CAPZA2: variants seen among roughly 807,000 people sequenced by gnomAD.
The protein encoded by CAPZA2 is capping actin protein of muscle Z-line subunit alpha 2.
Under a neutral mutation model 44.0 loss-of-function variants are expected in CAPZA2, and 13 were observed. That is an observed-to-expected ratio of 0.30 (90% CI 0.19 to 0.47). The LOEUF (loss-of-function observed/expected upper bound fraction) is 0.47, where lower values mean the gene tolerates loss of function less well. Ranked by LOEUF, CAPZA2 falls within the 20% of genes least tolerant of loss-of-function variation. The pLI, the probability that CAPZA2 is intolerant of heterozygous loss-of-function variation, is 1.00. For synonymous variants in CAPZA2, 94 were observed against 108.2 expected (o/e 0.87, Z 0.81); for missense variants, 244 against 338.6 (o/e 0.72, Z 2.19).
chr7:116,902,495 T>C (rs13228088), intron 4 of CAPZA2, among the ~76,000 whole-genome samples: 3,157 of 152,230 alleles, frequency 0.021, 46 homozygotes, highest in Non-Finnish European at 0.035. Flanking sequence ...TAAAATGATA[T>C]ATTTTCTACC....
chr7:116,889,132 C>T (rs764040333), intron 2 of CAPZA2, among the ~76,000 whole-genome samples: 12 of 152,184 alleles, frequency 7.9e-5, no homozygotes, highest in Non-Finnish European at 1.5e-5. Context: ...TGTAAAGTCT[C>T]CTGGTTACTA....
At chr7:116,878,391 C>T (rs1796647765) in intron 1 of CAPZA2, among the ~76,000 whole-genome samples, 1 of 152,140 alleles carries the variant, frequency 6.6e-6, no homozygotes, top group African/African-American at 2.4e-5. Flanking sequence ...TTTTCTCTTT[C>T]ATAAATTAAG....
chr7:116,904,106 T>A (rs1797029152), intron 4 of CAPZA2, 71 bp from the exon 5 acceptor site: 1 of 869,102 alleles, frequency 1.2e-6, no homozygotes. Flanking sequence ...CTTAAATGAG[T>A]GTAATTATGA....
At position 116,912,112 on chromosome 7, in the gene CAPZA2, A is replaced by C. The variant is rs1277587028; in HGVS notation, c.629A>C (p.Lys210Thr). ...EDGNVQLVSH[K>T]DIQDSLTVSN... ...GGTAATGTTCAGCTAGTGAGTCATA[A>C]AGATATACAAGATTCCCTAACAGTG... The change falls in exon 8 of 10, where the codon AAA (lysine) becomes ACA (threonine). Residue 210 changes from lysine to threonine, a missense_variant. Physicochemically the swap from Lys to Thr is moderately conservative, Grantham distance 78. Coordinates refer to ENST00000361183, the MANE Select transcript of CAPZA2 (RefSeq NM_006136.3). 1.2e-6 allele frequency: 2 copies of C among 1,612,896 alleles called. No homozygotes were observed. The highest frequency in any genetic ancestry group is 1.7e-6 in the Non-Finnish European group (2 of 1,179,322).
intron 8 of CAPZA2, among the ~76,000 whole-genome samples, chr7:116,913,411 A>G (rs901688287): frequency 1.2e-4 from 19 of 152,164 alleles, no homozygotes; most frequent in East Asian, 3.9e-4. Flanking sequence ...ATTTAGGTCT[A>G]TGATCTTCTA....
intron 1 of CAPZA2, 111 bp downstream of exon 1, chr7:116,862,761 C>T: frequency 8.4e-7 from 1 of 1,191,798 alleles, no homozygotes; most frequent in Non-Finnish European, 1.2e-6. Context: ...CTGGCCTTGC[C>T]CTCGGCTGCC....
At chr7:116,863,557 C>G (rs1379516050) in intron 1 of CAPZA2, among the ~76,000 whole-genome samples, 2 of 152,226 alleles carry the variant, frequency 1.3e-5, no homozygotes, top group Non-Finnish European at 2.9e-5. Flanking sequence ...AACTGCTGCT[C>G]TCTTAATTCG....
chr7:116,870,025 G>A (rs1407433687), intron 1 of CAPZA2, among the ~76,000 whole-genome samples: 1 of 152,030 alleles, frequency 6.6e-6, no homozygotes, highest in African/African-American at 2.4e-5. Context: ...CGTCACTTCT[G>A]CTCAGATTTC....
At chr7:116,871,771 G>T (rs181635968) in intron 1 of CAPZA2, among the ~76,000 whole-genome samples, 11 of 152,296 alleles carry the variant, frequency 7.2e-5, no homozygotes, top group Admixed American at 6.5e-4. Context: ...ACATTTACCA[G>T]TTTTAATAAA....
intron 1 of CAPZA2, among the ~76,000 whole-genome samples, chr7:116,867,112 C>G (rs1192873842): frequency 6.6e-6 from 1 of 152,140 alleles, no homozygotes; most frequent in African/African-American, 2.4e-5. Flanking sequence ...TTATTTCTTG[C>G]TTGAAAAGTT....
intron 1 of CAPZA2, among the ~76,000 whole-genome samples, chr7:116,881,738 C>CAAAAA (rs71148338): frequency 2.1e-5 from 1 of 47,784 alleles, no homozygotes; most frequent in Non-Finnish European, 4.2e-5. Context: ...GACTCTGTCT[C>CAAAAA]AAAAAAAAAA....
At chr7:116,908,096 G>GAA (rs562535745) in intron 6 of CAPZA2, among the ~76,000 whole-genome samples, 33 of 140,482 alleles carry the variant, frequency 2.3e-4, no homozygotes, top group East Asian at 2.3e-3. Context: ...CCATCTCTAG[G>GAA]AAAAAAAAAA....
At chr7:116,886,075 C>G (rs1033498026) in intron 1 of CAPZA2, 1 of 154,628 alleles carries the variant, frequency 6.5e-6, no homozygotes, top group Non-Finnish European at 1.5e-5. Context: ...TGATTGATGT[C>G]AGATACCAGA....
intron 8 of CAPZA2, among the ~76,000 whole-genome samples, chr7:116,912,902 C>G (rs1446924241): frequency 1.6e-4 from 25 of 152,194 alleles, no homozygotes; most frequent in Non-Finnish European, 1.5e-5. Flanking sequence ...CTTATAGTTT[C>G]ACCAGCAGTG....
chr7:116,865,036 A>G (rs1796465300), intron 1 of CAPZA2, among the ~76,000 whole-genome samples: 1 of 152,130 alleles, frequency 6.6e-6, no homozygotes, highest in South Asian at 2.1e-4. Flanking sequence ...TGTAAGAGGT[A>G]GTTCTATTAC....
At chr7:116,916,988 G>A (rs1420376473) in intron 9 of CAPZA2, among the ~76,000 whole-genome samples, 1 of 152,078 alleles carries the variant, frequency 6.6e-6, no homozygotes. Flanking sequence ...TTTGGATTAT[G>A]TGTAATCTGT....
At chr7:116,907,734 G>A (rs889988458) in intron 6 of CAPZA2, among the ~76,000 whole-genome samples, 2 of 152,060 alleles carry the variant, frequency 1.3e-5, no homozygotes, top group South Asian at 2.1e-4. Context: ...TCCTGCCTCC[G>A]GTTCCCAAGT....
chr7:116,870,194 A>C (rs1284694298), intron 1 of CAPZA2, among the ~76,000 whole-genome samples: 1 of 152,202 alleles, frequency 6.6e-6, no homozygotes, highest in Non-Finnish European at 1.5e-5. Flanking sequence ...ATAATGCAAA[A>C]CTAGATTCGA....
chr7:116,916,930 G>T (rs918533258), intron 9 of CAPZA2, among the ~76,000 whole-genome samples: 1 of 152,094 alleles, frequency 6.6e-6, no homozygotes, highest in Non-Finnish European at 1.5e-5. Context: ...ACTTTAAGTG[G>T]CTATTTTTTT....
Sources: allele counts gnomAD v4.1 joint callset (sites outside exome capture counted in the v4.1 genomes callset), GRCh38; gene constraint gnomAD v4.1.1; transcripts MANE v1.5; gene names NCBI Gene and HGNC (gene_info 2026-07-23, HGNC 2026-07-21).